Variants in TFDP2 observed in about 807,000 individuals in gnomAD.
TFDP2 encodes the protein transcription factor Dp-2 (E2F dimerization partner 2).
A neutral mutation model predicts 59.3 loss-of-function variants in TFDP2; 17 were observed. That is an observed-to-expected ratio of 0.29 (90% CI 0.20 to 0.43). The LOEUF is 0.43. Among genes scored for constraint, TFDP2 ranks in the 20% least tolerant of loss-of-function variants. The pLI, the probability that TFDP2 is intolerant of heterozygous loss-of-function variation, is 1.00. For synonymous variants in TFDP2, 180 were observed against 194.7 expected (o/e 0.92, Z 0.63); for missense variants, 391 against 528.8 (o/e 0.74, Z 2.56).
chr3:142,128,082 A>G (rs2062337077), intron 1 of TFDP2, among the ~76,000 whole-genome samples: 1 of 152,106 alleles, frequency 6.6e-6, no homozygotes, highest in African/African-American at 2.4e-5. Context: ...ATGTCTGTCC[A>G]TAGTCCTAGC....
In TFDP2 at chr3:142,114,602, C is replaced by T. The variant is rs575960968; in HGVS notation, c.-92-12761G>A. ...AAATTTTATACTAACTAAAGGTTAA[C>T]TGCAAAAGCTGTCATCATTTTTCTC... On this transcript the variant is annotated intron_variant, in intron 1 of 12. Coordinates refer to ENST00000489671, the MANE Select transcript of TFDP2 (RefSeq NM_001178139.2). 7.2e-5 allele frequency among the ~76,000 whole-genome samples: 11 copies of T among 152,004 alleles called. No homozygotes were observed. In the East Asian group the frequency reaches 2.1e-3, roughly 29 times the overall value.
chr3:141,974,466 A>G (rs1367047483), intron 7 of TFDP2, among the ~76,000 whole-genome samples: 1 of 152,164 alleles, frequency 6.6e-6, no homozygotes, highest in African/African-American at 2.4e-5. Context: ...GAAATATACT[A>G]AAGGGATTTC....
At chr3:141,966,078 T>C (rs1470193590) in intron 9 of TFDP2, among the ~76,000 whole-genome samples, 1 of 151,998 alleles carries the variant, frequency 6.6e-6, no homozygotes, top group Non-Finnish European at 1.5e-5. Flanking sequence ...CCCTTATGTA[T>C]TTGTGATTCA....
intron 9 of TFDP2, among the ~76,000 whole-genome samples, chr3:141,966,786 T>C (rs1938138969): frequency 6.6e-6 from 1 of 151,566 alleles, no homozygotes; most frequent in African/African-American, 2.4e-5. Flanking sequence ...TTCTTCTACA[T>C]TACCAAAAAT....
Position 142,081,360 on chromosome 3 carries a change from T to C in TFDP2, c.82+11701A>G, listed in dbSNP as rs375315505. 1.2e-4 allele frequency among the ~76,000 whole-genome samples: 19 copies of C among 152,228 alleles called. No homozygotes were observed. In the East Asian group the frequency reaches 3.5e-3, roughly 28 times the overall value. ...AGCACTAAGAGGGAAGTTGATGGTA[T>C]AAGTGCTTATACATCAAAAAAGTGA... is the stretch of plus-strand genomic sequence containing the variant. On this transcript the variant is annotated intron_variant, in intron 3 of 12. Transcript: ENST00000489671.
At position 142,059,725 on chromosome 3, in the gene TFDP2, G is replaced by A. The variant is rs540403338; in HGVS notation, c.82+33336C>T. ...CTCCTGAGTAGCTGGGACTACCAGC[G>A]TCGGCCACCATGCCCAGCTAATTTT... On this transcript the variant is annotated intron_variant, in intron 3 of 12. Coordinates refer to ENST00000489671, the MANE Select transcript of TFDP2 (RefSeq NM_001178139.2). 1.6e-4 allele frequency among the ~76,000 whole-genome samples: 24 copies of A among 152,164 alleles called. No individual in the cohort carries two copies. In the South Asian group the frequency reaches 1.9e-3, roughly 12 times the overall value.
intron 7 of TFDP2, among the ~76,000 whole-genome samples, chr3:141,977,420 A>G (rs1940861040): frequency 6.6e-6 from 1 of 151,056 alleles, no homozygotes; most frequent in Admixed American, 6.6e-5. Flanking sequence ...AAAAAAAAAA[A>G]AGATAAAGAA....
At chr3:142,143,007 G>A (rs1292835941) in intron 1 of TFDP2, among the ~76,000 whole-genome samples, 7 of 152,286 alleles carry the variant, frequency 4.6e-5, no homozygotes, top group Admixed American at 2.6e-4. Flanking sequence ...AGGCCAAGGC[G>A]AGCAGATCAC....
chr3:142,069,482 T>C (rs1353712074), intron 3 of TFDP2, among the ~76,000 whole-genome samples: 1 of 152,224 alleles, frequency 6.6e-6, no homozygotes, highest in Non-Finnish European at 1.5e-5. Context: ...ATGTTAATGT[T>C]AAATTAATAA....
At chr3:142,068,008 A>C (rs2060127469) in intron 3 of TFDP2, among the ~76,000 whole-genome samples, 1 of 151,684 alleles carries the variant, frequency 6.6e-6, no homozygotes, top group Non-Finnish European at 1.5e-5. Flanking sequence ...TAGCTTAAAA[A>C]AAAAAAAAAA....
intron 1 of TFDP2, among the ~76,000 whole-genome samples, chr3:142,119,195 G>A (rs189678341): frequency 1.3e-5 from 2 of 151,560 alleles, no homozygotes; most frequent in African/African-American, 4.8e-5. Flanking sequence ...AAACATTCCA[G>A]AAATAAAATA....
chr3:142,000,920 A>G (rs918533503), intron 4 of TFDP2, among the ~76,000 whole-genome samples: 2 of 152,158 alleles, frequency 1.3e-5, no homozygotes, highest in East Asian at 3.9e-4. Context: ...CCAGGGTACC[A>G]GGGGCCCCCA....
intron 1 of TFDP2, among the ~76,000 whole-genome samples, chr3:142,116,244 T>C (rs959281035): frequency 2.0e-5 from 3 of 152,068 alleles, no homozygotes; most frequent in African/African-American, 7.2e-5. Flanking sequence ...TTAAAATTTT[T>C]GGTAGAGATA....
intron 1 of TFDP2, among the ~76,000 whole-genome samples, chr3:142,109,775 A>C (rs982632278): frequency 1.3e-5 from 2 of 152,230 alleles, no homozygotes; most frequent in Non-Finnish European, 2.9e-5. Context: ...ATAGTACGCA[A>C]GAATTTTTCT....
intron 7 of TFDP2, among the ~76,000 whole-genome samples, chr3:141,975,576 G>A (rs115988151): frequency 6.6e-6 from 1 of 151,676 alleles, no homozygotes; most frequent in Non-Finnish European, 1.5e-5. Flanking sequence ...TGACTGTAAT[G>A]CCAGCTACTC....
chr3:142,010,040 T>C (rs1185487180), intron 3 of TFDP2, among the ~76,000 whole-genome samples: 3 of 152,154 alleles, frequency 2.0e-5, no homozygotes, highest in Non-Finnish European at 2.9e-5. Context: ...AATTCAGATA[T>C]CTTAAGTGAA....
At chr3:142,022,332 GA>G (rs1356950272) in intron 3 of TFDP2, among the ~76,000 whole-genome samples, 1 of 152,154 alleles carries the variant, frequency 6.6e-6, no homozygotes, top group Non-Finnish European at 1.5e-5. Flanking sequence ...TCAAATTAAG[GA>G]AATAACGAAA....
intron 3 of TFDP2, among the ~76,000 whole-genome samples, chr3:142,012,680 A>G (rs148585076): frequency 1.2e-3 from 178 of 152,308 alleles, no homozygotes; most frequent in African/African-American, 4.2e-3. Flanking sequence ...ACATATACAT[A>G]TATTTTTCAT....
intron 3 of TFDP2, among the ~76,000 whole-genome samples, chr3:142,053,252 G>C (rs1157486412): frequency 6.6e-6 from 1 of 152,150 alleles, no homozygotes; most frequent in East Asian, 1.9e-4. Context: ...GGGCCTGATG[G>C]GGGTGTTTGG....
Sources: allele counts gnomAD v4.1 joint callset (sites outside exome capture counted in the v4.1 genomes callset), GRCh38; gene constraint gnomAD v4.1.1; transcripts MANE v1.5; gene names NCBI Gene and HGNC (gene_info 2026-07-23, HGNC 2026-07-21).